SCN10A: variants seen among roughly 807,000 people sequenced by gnomAD.
The protein encoded by SCN10A is sodium voltage-gated channel alpha subunit 10.
In SCN10A, 162 loss-of-function variants were observed where a neutral mutation model predicts 170.7. The observed-to-expected ratio is 0.95, with a 90% confidence interval of 0.84 to 1.08. SCN10A has a LOEUF of 1.08. Among genes scored for constraint, SCN10A ranks in the 50% least tolerant of loss-of-function variants. SCN10A has a pLI of 0.00. For missense variants in SCN10A, 2,527 were observed against 2,436.9 expected (o/e 1.04, Z -0.78); for synonymous variants, 985 against 904.6 (o/e 1.09, Z -1.59).
chr3:38,709,486 T>C lies in SCN10A; in HGVS notation c.4273A>G (p.Lys1425Glu), dbSNP rs2063247996. ...TCCTGAGCACCACTTATCTTTTTTT[T>C]CTGTTGATTGAAGTTGTCAATTATG... Reference protein sequence around the residue: ...GVIIDNFNQQKKKLGGQDIFM... With the variant: ...GVIIDNFNQQEKKLGGQDIFM... The change falls in exon 25 of 28, where the codon AAA becomes GAA. Residue 1425 changes from lysine to glutamate, a missense_variant. By Grantham distance (56) the Lys-to-Glu change is moderately conservative. Coordinates refer to ENST00000449082, the MANE Select transcript of SCN10A (RefSeq NM_006514.4). The C allele has an allele frequency of 1.2e-6, 2 of 1,608,786 alleles. No homozygotes were observed. Among genetic ancestry groups the C allele is most frequent in the African/African-American group, 1.3e-5 (1 of 74,520 alleles).
At chr3:38,716,768 G>C in intron 21 of SCN10A, among the ~76,000 whole-genome samples, 1 of 152,198 alleles carries the variant, frequency 6.6e-6, no homozygotes, top group Non-Finnish European at 1.5e-5. Flanking sequence ...GTGGATAAGA[G>C]AAGGATGGAT....
At chr3:38,806,750 C>G (rs989996244) in intron 1 of SCN10A, among the ~76,000 whole-genome samples, 3 of 152,060 alleles carry the variant, frequency 2.0e-5, no homozygotes, top group Non-Finnish European at 4.4e-5. Context: ...GCCACTTAGC[C>G]TATTTCAATT....
At chr3:38,700,927 A>G (rs556309001) in intron 27 of SCN10A, among the ~76,000 whole-genome samples, 2 of 152,364 alleles carry the variant, frequency 1.3e-5, no homozygotes, top group East Asian at 1.9e-4. Context: ...CCATAAGCCC[A>G]GGGACAGTCT....
intron 4 of SCN10A, among the ~76,000 whole-genome samples, chr3:38,783,599 C>T (rs906815911): frequency 1.3e-5 from 2 of 151,976 alleles, no homozygotes; most frequent in Non-Finnish European, 2.9e-5. Context: ...AGTTAATGTA[C>T]TCAAAGTTTA....
intron 4 of SCN10A, among the ~76,000 whole-genome samples, chr3:38,788,620 TG>T (rs139015515): frequency 0.17 from 16,218 of 94,256 alleles, 979 homozygotes; most frequent in African/African-American, 0.19. Context: ...GTGTGTGTGT[TG>T]GGGGGGGGTG....
In SCN10A at chr3:38,761,254, TTTTTGAGG is replaced by T. The variant is rs778399130; in HGVS notation, c.813_820del (p.Asn271LysfsTer2). ...AGCCATGTCATTCTTGACACATTTA[TTTTTGAGG>T]TTGCCCTTGAAGAGTTGCAGCCCCA... On this transcript the variant is annotated frameshift_variant, in exon 7 of 28. Coordinates refer to ENST00000449082, the MANE Select transcript of SCN10A (RefSeq NM_006514.4). LOFTEE classifies it high-confidence loss of function. 2 of 1,613,934 alleles carry T rather than the reference TTTTTGAGG, an allele frequency of 1.2e-6. No individual in the cohort carries two copies. Among genetic ancestry groups the T allele is most frequent in the Non-Finnish European group, 8.5e-7 (1 of 1,179,872 alleles).
intron 25 of SCN10A, 84 bp from the exon 26 acceptor site, chr3:38,707,467 A>G (rs1423253537): frequency 1.5e-6 from 2 of 1,375,228 alleles, no homozygotes; most frequent in Non-Finnish European, 2.1e-6. Flanking sequence ...AGAAAGGATC[A>G]TATCAACCTT....
intron 12 of SCN10A, among the ~76,000 whole-genome samples, chr3:38,751,540 T>G (rs1364111128): frequency 6.6e-6 from 1 of 152,242 alleles, no homozygotes; most frequent in Non-Finnish European, 1.5e-5. Flanking sequence ...GCAATTGCGC[T>G]GTATCCCTGG....
At chr3:38,741,664 G>C (rs888671068) in intron 14 of SCN10A, among the ~76,000 whole-genome samples, 7 of 152,140 alleles carry the variant, frequency 4.6e-5, no homozygotes, top group African/African-American at 7.2e-5. Flanking sequence ...ATCTTGTTAA[G>C]AGTAAATAAT....
chr3:38,770,284 T>C (rs1024398119), intron 5 of SCN10A, among the ~76,000 whole-genome samples: 10 of 152,140 alleles, frequency 6.6e-5, no homozygotes, highest in African/African-American at 2.2e-4. Context: ...TATTTTAGTT[T>C]CTTAGGTGAT....
intron 1 of SCN10A, among the ~76,000 whole-genome samples, chr3:38,805,520 A>G (rs1386659231): frequency 1.3e-5 from 2 of 152,208 alleles, no homozygotes; most frequent in Non-Finnish European, 2.9e-5. Context: ...TCATACAGCC[A>G]GTGATACTGA....
chr3:38,740,554 T>A (rs1559435921), intron 14 of SCN10A, among the ~76,000 whole-genome samples: 1 of 152,282 alleles, frequency 6.6e-6, no homozygotes, highest in East Asian at 1.9e-4. Context: ...GGCAAGTCAG[T>A]GTGGTGTGGT....
intron 20 of SCN10A, among the ~76,000 whole-genome samples, chr3:38,721,732 G>A (rs761222522): frequency 9.9e-5 from 15 of 152,202 alleles, no homozygotes; most frequent in Non-Finnish European, 1.9e-4. Context: ...ACAAGCTCCT[G>A]GGAGATTAAA....
At chr3:38,725,096 C>A in intron 18 of SCN10A, 78 bp downstream of exon 18, 2 of 1,383,948 alleles carry the variant, frequency 1.4e-6, no homozygotes, top group Non-Finnish European at 1.9e-6. Flanking sequence ...ACCTTCACCG[C>A]CACCCTCCAG....
At chr3:38,705,015 G>A (rs957067040) in intron 26 of SCN10A, among the ~76,000 whole-genome samples, 2 of 152,208 alleles carry the variant, frequency 1.3e-5, no homozygotes, top group Non-Finnish European at 2.9e-5. Flanking sequence ...GATCCGGCTT[G>A]TGCCACTGGG....
chr3:38,756,917 G>A (rs781565727), intron 9 of SCN10A, 46 bp from the exon 10 acceptor site: 1 of 1,608,940 alleles, frequency 6.2e-7, no homozygotes, highest in Non-Finnish European at 8.5e-7. Flanking sequence ...CATAGCACAT[G>A]GACCCCTGAA....
Position 38,788,977 on chromosome 3 carries a change from G to T in SCN10A, c.449C>A (p.Thr150Asn), listed in dbSNP as rs2064244349. 1.2e-6 allele frequency: 2 copies of T among 1,608,482 alleles called. No individual in the cohort carries two copies. The highest frequency in any genetic ancestry group is 3.3e-5 in the Admixed American group (2 of 59,892). ...ILVNCVCMTR[T>N]DLPEKIEYVF... ...TCACTCAATTTTCTCTGGAAGGTCA[G>T]TTCGGGTCATGCACACACAATTAAC... Residue 150 changes from threonine to asparagine, a missense_variant, in exon 4 of 28, where the codon ACT becomes AAT. Physicochemically the swap from Thr to Asn is moderately conservative, Grantham distance 65 (BLOSUM62 0). Coordinates refer to ENST00000449082, the MANE Select transcript of SCN10A (RefSeq NM_006514.4).
At chr3:38,772,855 A>G (rs1189941744) in intron 4 of SCN10A, among the ~76,000 whole-genome samples, 1 of 152,268 alleles carries the variant, frequency 6.6e-6, no homozygotes, top group African/African-American at 2.4e-5. Flanking sequence ...TGGAATTTTG[A>G]AAACAAAAAT....
At chr3:38,739,248 G>C (rs931170609) in intron 15 of SCN10A, among the ~76,000 whole-genome samples, 1 of 152,176 alleles carries the variant, frequency 6.6e-6, no homozygotes, top group Non-Finnish European at 1.5e-5. Context: ...ATTGTTATTT[G>C]ATAAGAGACG....
Sources: gnomAD v4.1 joint callset for allele counts (sites outside exome capture counted in the v4.1 genomes callset) on GRCh38, gnomAD v4.1.1 for gene constraint, MANE v1.5 for transcripts, NCBI Gene and HGNC (gene_info 2026-07-23, HGNC 2026-07-21) for gene names.